Variants in GALNTL6 observed in about 807,000 individuals in gnomAD.
GALNTL6 encodes polypeptide N-acetylgalactosaminyltransferase like 6, also known as polypeptide N-acetylgalactosaminyltransferase-like 6.
In GALNTL6, 46 loss-of-function variants were observed where a neutral mutation model predicts 73.7. That is an observed-to-expected ratio of 0.62 (90% CI 0.49 to 0.80). GALNTL6 has a LOEUF of 0.80. Among genes scored for constraint, GALNTL6 ranks in the 30% least tolerant of loss-of-function variants. The pLI, the probability that GALNTL6 is intolerant of heterozygous loss-of-function variation, is 0.00. For missense variants in GALNTL6, 604 were observed against 755.0 expected (o/e 0.80, Z 2.34); for synonymous variants, 259 against 263.7 (o/e 0.98, Z 0.17).
chr4:172,421,236 T>C (rs1288767269), intron 5 of GALNTL6, among the ~76,000 whole-genome samples: 1 of 152,120 alleles, frequency 6.6e-6, no homozygotes, highest in Non-Finnish European at 1.5e-5. Flanking sequence ...TACTGTATAA[T>C]ATTGAATACA....
At chr4:172,069,486 C>CTT (rs1731452682) in intron 2 of GALNTL6, among the ~76,000 whole-genome samples, 1 of 32,494 alleles carries the variant, frequency 3.1e-5, no homozygotes, top group South Asian at 1.3e-3. Flanking sequence ...TTATATATAA[C>CTT]ACATATGTTA....
chr4:172,305,389 C>T (rs545498508), intron 3 of GALNTL6, among the ~76,000 whole-genome samples: 2 of 152,152 alleles, frequency 1.3e-5, no homozygotes, highest in Non-Finnish European at 2.9e-5. Context: ...TTATTTAAAA[C>T]ATCTCACATA....
At chr4:171,824,486 G>C (rs1232020085) in intron 2 of GALNTL6, among the ~76,000 whole-genome samples, 2 of 152,012 alleles carry the variant, frequency 1.3e-5, no homozygotes, top group African/African-American at 4.8e-5. Context: ...GCTTTAATAA[G>C]CTAATCTGCA....
At chr4:172,783,907 T>C (rs1490294062) in intron 5 of GALNTL6, among the ~76,000 whole-genome samples, 1 of 152,152 alleles carries the variant, frequency 6.6e-6, no homozygotes, top group East Asian at 1.9e-4. Flanking sequence ...TTGCTATTAA[T>C]TATGGATGTA....
intron 3 of GALNTL6, among the ~76,000 whole-genome samples, chr4:172,295,555 T>C (rs1222102533): frequency 1.5e-5 from 1 of 65,886 alleles, no homozygotes; most frequent in Admixed American, 1.7e-4. Flanking sequence ...TTTTTTTTTT[T>C]TGGTAACTAG....
At chr4:173,009,319 G>A in intron 11 of GALNTL6, 25 bp downstream of exon 11, 1 of 1,364,882 alleles carries the variant, frequency 7.3e-7, no homozygotes, top group Non-Finnish European at 1.0e-6. Context: ...AGAAGCCAGG[G>A]CAGTGGGAAC....
intron 10 of GALNTL6, among the ~76,000 whole-genome samples, chr4:172,981,832 C>T (rs889933868): frequency 3.4e-5 from 4 of 116,728 alleles, no homozygotes; most frequent in African/African-American, 1.0e-4. Flanking sequence ...GATGGAGTTT[C>T]GCTCTTGTTG....
At chr4:172,278,991 G>A (rs1412555268) in intron 3 of GALNTL6, among the ~76,000 whole-genome samples, 1 of 152,108 alleles carries the variant, frequency 6.6e-6, no homozygotes, top group African/African-American at 2.4e-5. Context: ...TTAACAAATG[G>A]TTTTGGGAAA....
chr4:172,044,936 G>T (rs1262220030), intron 2 of GALNTL6, among the ~76,000 whole-genome samples: 2 of 151,868 alleles, frequency 1.3e-5, no homozygotes, highest in African/African-American at 4.8e-5. Flanking sequence ...ATATTTCAGT[G>T]GGTGCACATA....
chr4:172,061,410 T>C (rs988941379), intron 2 of GALNTL6, among the ~76,000 whole-genome samples: 5 of 152,214 alleles, frequency 3.3e-5, no homozygotes, highest in African/African-American at 1.2e-4. Context: ...CCTAGTCATA[T>C]ATTGCACTTT....
intron 2 of GALNTL6, among the ~76,000 whole-genome samples, chr4:172,054,097 C>A (rs1476703940): frequency 1.3e-5 from 2 of 151,950 alleles, no homozygotes; most frequent in African/African-American, 2.4e-5. Context: ...AGTTAGAAAT[C>A]TTTCTTTCTA....
chr4:172,191,065 T>C (rs1735566757), intron 2 of GALNTL6, among the ~76,000 whole-genome samples: 2 of 152,216 alleles, frequency 1.3e-5, no homozygotes, highest in South Asian at 4.1e-4. Flanking sequence ...CTTTGAAATA[T>C]GCAACTCAGA....
intron 2 of GALNTL6, among the ~76,000 whole-genome samples, chr4:172,104,235 G>T (rs1041620953): frequency 6.6e-6 from 1 of 152,180 alleles, no homozygotes. Flanking sequence ...GAGCCACCGT[G>T]CCCGGCCTGG....
intron 2 of GALNTL6, among the ~76,000 whole-genome samples, chr4:171,938,165 T>C (rs1176809698): frequency 1.3e-5 from 2 of 152,162 alleles, no homozygotes; most frequent in Admixed American, 6.5e-5. Context: ...GTTCATGCTG[T>C]AGAAATTTAA....
intron 2 of GALNTL6, among the ~76,000 whole-genome samples, chr4:171,987,642 A>T (rs934701988): frequency 7.9e-5 from 12 of 152,320 alleles, no homozygotes; most frequent in African/African-American, 9.6e-5. Flanking sequence ...CAGATGGAAC[A>T]CTGAGAAGTT....
intron 5 of GALNTL6, among the ~76,000 whole-genome samples, chr4:172,489,637 TTCCTG>T (rs1315753727): frequency 3.9e-5 from 6 of 152,208 alleles, no homozygotes; most frequent in Admixed American, 2.6e-4. Context: ...TGTCATAGAA[TTCCTG>T]GCATTATTTT....
chr4:172,850,011 T>C (rs1743730285), intron 7 of GALNTL6, among the ~76,000 whole-genome samples: 1 of 152,144 alleles, frequency 6.6e-6, no homozygotes, highest in Non-Finnish European at 1.5e-5. Context: ...GAGAGCATCT[T>C]TTGGAAGGGA....
chr4:172,134,131 C>T lies in GALNTL6; in HGVS notation c.139-95525C>T, dbSNP rs909892695. ...GGGCGCAATGGCTCACACCTGTAAT[C>T]CCAGCACTTTGGGAGGCCGAGGCGG... On this transcript the variant is annotated intron_variant, in intron 2 of 12. Coordinates refer to ENST00000506823, the MANE Select transcript of GALNTL6 (RefSeq NM_001034845.3). 3.3e-5 allele frequency among the ~76,000 whole-genome samples: 5 copies of T among 152,192 alleles called. No homozygotes were observed. In the East Asian group the frequency reaches 9.7e-4, roughly 29 times the overall value.
chr4:172,206,959 A>T (rs1239619711), intron 2 of GALNTL6, among the ~76,000 whole-genome samples: 4 of 151,268 alleles, frequency 2.6e-5, no homozygotes, highest in African/African-American at 9.7e-5. Flanking sequence ...CTGGGACTAC[A>T]GGCACCCACC....
Sources: allele counts gnomAD v4.1 joint callset (sites outside exome capture counted in the v4.1 genomes callset), GRCh38; gene constraint gnomAD v4.1.1; transcripts MANE v1.5; gene names NCBI Gene and HGNC (gene_info 2026-07-23, HGNC 2026-07-21).